The following OPA1 variants were observed in gnomAD, a reference collection of about 807,000 sequenced individuals.
OPA1 encodes OPA1 mitochondrial dynamin like GTPase, also known as dynamin-like GTPase OPA1, mitochondrial.
Under a neutral mutation model 152.9 loss-of-function variants are expected in OPA1, and 59 were observed. That is an observed-to-expected ratio of 0.39 (90% CI 0.31 to 0.48). The LOEUF (loss-of-function observed/expected upper bound fraction) is 0.48. Ranked by LOEUF, OPA1 falls within the 20% of genes least tolerant of loss-of-function variation. The pLI, the probability that OPA1 is intolerant of heterozygous loss-of-function variation, is 0.96. For synonymous variants in OPA1, 400 were observed against 389.9 expected (o/e 1.03, Z -0.31); for missense variants, 1,008 against 1,216.8 (o/e 0.83, Z 2.55).
At chr3:193,651,304 G>A (rs1712380007) in intron 21 of OPA1, among the ~76,000 whole-genome samples, 1 of 152,172 alleles carries the variant, frequency 6.6e-6, no homozygotes, top group Admixed American at 6.5e-5. Context: ...CAATAATTTA[G>A]GCAAGATGTG....
Position 193,644,063 on chromosome 3 carries a change from C to G in OPA1, c.1566C>G (p.Thr522=). The change falls in exon 16 of 31, where the codon ACC becomes ACG. Residue 522 remains threonine, a synonymous_variant. Coordinates refer to ENST00000361510, the MANE Select transcript of OPA1 (RefSeq NM_130837.3). ...GAAGGAGAACCATATTCGTTTTGACCAAAGTAGACCTGGCAGAGAAAAATG... is the reference window on the plus strand; with the variant it reads ...GAAGGAGAACCATATTCGTTTTGACGAAAGTAGACCTGGCAGAGAAAAATG... ...PHGRRTIFVL[T]KVDLAEKNVA... 1 of 1,613,558 alleles carries G rather than the reference C, an allele frequency of 6.2e-7. No individual in the cohort carries two copies. The highest frequency in any genetic ancestry group is 8.5e-7 in the Non-Finnish European group (1 of 1,179,756).
rs565344387 is a variant in OPA1, at chr3:193,690,559, C to T, written c.2984-1504C>T. Among the ~76,000 whole-genome samples the T allele has an allele frequency of 6.6e-5, 10 of 152,050 alleles. No individual in the cohort carries two copies. In the East Asian group the frequency reaches 1.6e-3, roughly 24 times the overall value. Reference sequence around the variant, plus strand: ...CTGGAAAAAGAATATGAAAATGTTACGTTCTTTATATCCAACCGTGGTAGG... The same window carrying T: ...CTGGAAAAAGAATATGAAAATGTTATGTTCTTTATATCCAACCGTGGTAGG... On this transcript the variant is annotated intron_variant, in intron 29 of 30. Coordinates refer to ENST00000361510, the MANE Select transcript of OPA1 (RefSeq NM_130837.3).
intron 1 of OPA1, among the ~76,000 whole-genome samples, chr3:193,595,842 T>C (rs1164938694): frequency 1.3e-5 from 2 of 152,172 alleles, no homozygotes; most frequent in East Asian, 3.8e-4. Context: ...CTTAGGAGGA[T>C]AGTGGTCCTC....
chr3:193,646,100 G>A (rs529309839), intron 18 of OPA1, among the ~76,000 whole-genome samples: 9 of 152,240 alleles, frequency 5.9e-5, no homozygotes, highest in East Asian at 1.9e-4. Context: ...TTAGAAAATC[G>A]ACGCTTTCAC....
chr3:193,657,804 A>ATGT (rs989069329), intron 23 of OPA1, among the ~76,000 whole-genome samples: 8 of 152,206 alleles, frequency 5.3e-5, no homozygotes, highest in African/African-American at 1.9e-4. Flanking sequence ...ATCTTTTGTT[A>ATGT]TGTAGACTGC....
chr3:193,677,579 G>A lies in OPA1; in HGVS notation c.2983+10299G>A, dbSNP rs575020971. Among the ~76,000 whole-genome samples, 153 of 152,198 alleles carry A rather than the reference G, an allele frequency of 1.0e-3. 1 individual carries two copies. The highest frequency in any genetic ancestry group is 3.3e-3 in the African/African-American group (139 of 41,528). ...ATTAAACGAGATAGGAAATCTTAAG[G>A]GATTGGTGGATTGATGCACATGAAA... On this transcript the variant is annotated intron_variant, in intron 29 of 30. Transcript: ENST00000361510.
chr3:193,665,303 T>C (rs1325787754), intron 27 of OPA1, among the ~76,000 whole-genome samples: 6 of 152,070 alleles, frequency 3.9e-5, no homozygotes, highest in Non-Finnish European at 7.4e-5. Flanking sequence ...TTCCCTGACC[T>C]GTAAGAATTT....
chr3:193,692,093 A>G lies in OPA1; in HGVS notation c.3014A>G (p.Asp1005Gly). ...GTTAGAGAAATTCAAGAAAAACTTG[A>G]TGCTTTCATTGAAGCTCTTCATCAG... Reference protein sequence around the residue: ...KKVREIQEKLDAFIEALHQEK With the variant: ...KKVREIQEKLGAFIEALHQEK The change falls in exon 30 of 31, where the codon GAT becomes GGT. Residue 1005 changes from aspartate to glycine, a missense_variant. Around this residue, in one of 7 missense-constraint regions of OPA1, gnomAD observed 137 missense variants for 171.0 expected, o/e 0.80. Coordinates refer to ENST00000361510, the MANE Select transcript of OPA1 (RefSeq NM_130837.3). 1 of 1,553,166 alleles carries G rather than the reference A, an allele frequency of 6.4e-7. No individual in the cohort carries two copies. Among genetic ancestry groups the G allele is most frequent in the Non-Finnish European group, 8.8e-7 (1 of 1,135,212 alleles).
intron 3 of OPA1, among the ~76,000 whole-genome samples, chr3:193,616,153 A>C (rs1728981330): frequency 6.6e-6 from 1 of 152,154 alleles, no homozygotes; most frequent in Non-Finnish European, 1.5e-5. Context: ...CCGGGACTAC[A>C]TGTGTGTGCC....
chr3:193,661,667 G>A (rs370057197), intron 25 of OPA1, among the ~76,000 whole-genome samples: 39 of 152,194 alleles, frequency 2.6e-4, no homozygotes, highest in African/African-American at 8.9e-4. Flanking sequence ...AAACATTCTC[G>A]CCTTGTTTAA....
intron 29 of OPA1, chr3:193,668,720 T>G: frequency 2.3e-6 from 3 of 1,309,930 alleles, no homozygotes; most frequent in East Asian, 3.8e-5. Context: ...ACACCTGCAG[T>G]AGGCTACCAT....
At chr3:193,652,253 A>G (rs1480068633) in intron 21 of OPA1, among the ~76,000 whole-genome samples, 3 of 152,088 alleles carry the variant, frequency 2.0e-5, no homozygotes, top group Non-Finnish European at 2.9e-5. Context: ...ATGGTGGTGC[A>G]CGCTTGTAAT....
intron 1 of OPA1, chr3:193,603,422 A>G (rs1442157214): frequency 1.3e-5 from 2 of 152,246 alleles, no homozygotes; most frequent in East Asian, 3.8e-4. Flanking sequence ...AATCTGCTAA[A>G]GCATTTCACT....
At chr3:193,596,960 T>G (rs1560302685) in intron 1 of OPA1, 2 of 152,254 alleles carry the variant, frequency 1.3e-5, no homozygotes, top group Non-Finnish European at 1.5e-5. Context: ...AGTTCCACAC[T>G]GAGATCAAAT....
intron 29 of OPA1, among the ~76,000 whole-genome samples, chr3:193,679,213 C>T (rs1186784953): frequency 6.6e-6 from 1 of 151,156 alleles, no homozygotes; most frequent in African/African-American, 2.4e-5. Context: ...GTAGCCTGCA[C>T]ATTCTGCACA....
At chr3:193,681,841 T>A (rs1038225574) in intron 29 of OPA1, among the ~76,000 whole-genome samples, 5 of 151,992 alleles carry the variant, frequency 3.3e-5, no homozygotes, top group African/African-American at 1.2e-4. Context: ...TTCTGGCTGT[T>A]CCACCAACTA....
At chr3:193,603,743 T>A (rs1490823507) in intron 1 of OPA1, among the ~76,000 whole-genome samples, 1 of 152,204 alleles carries the variant, frequency 6.6e-6, no homozygotes, top group Non-Finnish European at 1.5e-5. Context: ...TCATTTTGGG[T>A]GGTAACAGCA....
At chr3:193,612,152 A>T (rs558714935) in intron 1 of OPA1, among the ~76,000 whole-genome samples, 1 of 152,240 alleles carries the variant, frequency 6.6e-6, no homozygotes, top group South Asian at 2.1e-4. Flanking sequence ...CCCTTGGACC[A>T]GGGAAGTCCT....
At chr3:193,596,306 T>TTTTCCTTTCCTTTCCTTTCC (rs59723526) in intron 1 of OPA1, among the ~76,000 whole-genome samples, 4,986 of 104,826 alleles carry the variant, frequency 0.048, 235 homozygotes, top group African/African-American at 0.08. Context: ...TTTTCTTTTC[T>TTTTCCTTTCCTTTCCTTTCC]TTTCCTTTCC....
Sources: gnomAD v4.1 joint callset for allele counts (sites outside exome capture counted in the v4.1 genomes callset) on GRCh38, gnomAD v4.1.1 for gene constraint, gnomAD v4.1.1 regional missense constraint, MANE v1.5 for transcripts, NCBI Gene and HGNC (gene_info 2026-07-23, HGNC 2026-07-21) for gene names.